The following DNAH8 variants were observed in gnomAD, a reference collection of about 807,000 sequenced individuals.
DNAH8 encodes dynein axonemal heavy chain 8, also known as axonemal beta dynein heavy chain 8.
A neutral mutation model predicts 562.1 loss-of-function variants in DNAH8; 382 were observed. The ratio of observed to expected loss-of-function variants is 0.68; its 90% CI spans 0.63 to 0.74. The LOEUF is 0.74. DNAH8 is among the 30% of genes least tolerant of loss of function. The pLI is 0.00. For missense variants in DNAH8, 5,203 were observed against 5,620.4 expected, an observed-to-expected ratio of 0.93 and a Z score of 2.37; for synonymous variants, 1,881 against 1,919.4, an observed-to-expected ratio of 0.98 and a Z score of 0.52.
intron 18 of DNAH8, among the ~76,000 whole-genome samples, chr6:38,788,939 GA>G (rs1437425009): frequency 6.6e-5 from 10 of 151,506 alleles, no homozygotes; most frequent in African/African-American, 2.4e-4. Context: ...TCTTTTTTTT[GA>G]AAAAAACTGG....
At chr6:38,819,208 G>T (rs1772590344) in intron 26 of DNAH8, among the ~76,000 whole-genome samples, 1 of 152,106 alleles carries the variant, frequency 6.6e-6, no homozygotes, top group Admixed American at 6.6e-5. Flanking sequence ...CTAGTTTTGT[G>T]CTTACTGCTC....
intron 70 of DNAH8, among the ~76,000 whole-genome samples, chr6:38,919,299 C>CA (rs1781526330): frequency 6.6e-6 from 1 of 152,134 alleles, no homozygotes; most frequent in Non-Finnish European, 1.5e-5. Context: ...ATGAAATTAA[C>CA]AAAAATAATA....
At chr6:38,826,581 C>G (rs182076498) in intron 29 of DNAH8, among the ~76,000 whole-genome samples, 190 bp downstream of exon 29, 7 of 152,234 alleles carry the variant, frequency 4.6e-5, no homozygotes, top group African/African-American at 1.7e-4. Flanking sequence ...ATACAAAAGA[C>G]ACTGTTGTAA....
At chr6:38,820,663 A>G (rs1772738701) in intron 26 of DNAH8, among the ~76,000 whole-genome samples, 1 of 152,226 alleles carries the variant, frequency 6.6e-6, no homozygotes, top group South Asian at 2.1e-4. Context: ...GTGTATAAAA[A>G]GTGTTGTATA....
chr6:38,828,390 C>T (rs1357996891), intron 30 of DNAH8, 102 bp downstream of exon 30: 1 of 605,302 alleles, frequency 1.7e-6, no homozygotes, highest in African/African-American at 1.9e-5. Flanking sequence ...TCATGTGCCA[C>T]ATAACAATGT....
Position 38,772,186 on chromosome 6 carries a change from G to A in DNAH8, c.1764+1627G>A, listed in dbSNP as rs1027727890. ...TGGGACTACAGGTGCCCGCCACTAC[G>A]CCCGGCTAATTTTTTGTATTTTTAG... is the stretch of plus-strand genomic sequence containing the variant. On this transcript the variant is annotated intron_variant, in intron 12 of 92. Transcript: ENST00000327475. Among the ~76,000 whole-genome samples the A allele has an allele frequency of 2.6e-5, 4 of 151,820 alleles. No individual in the cohort carries two copies. In the East Asian group the frequency reaches 7.8e-4, roughly 29 times the overall value.
chr6:38,786,347 G>A (rs140486598), intron 17 of DNAH8, among the ~76,000 whole-genome samples: 283 of 152,298 alleles, frequency 1.9e-3, no homozygotes, highest in African/African-American at 6.5e-3. Context: ...CCTCTTTAAA[G>A]AAGACAGTTT....
chr6:38,922,124 T>C (rs1051019952), intron 71 of DNAH8, among the ~76,000 whole-genome samples: 9 of 151,552 alleles, frequency 5.9e-5, no homozygotes, highest in Non-Finnish European at 1.3e-4. Flanking sequence ...TACATGCAGG[T>C]CACAGGGGAT....
chr6:38,748,749 G>A (rs569737273), intron 8 of DNAH8, among the ~76,000 whole-genome samples: 5 of 58,310 alleles, frequency 8.6e-5, no homozygotes, highest in African/African-American at 3.7e-4. Flanking sequence ...GCAAGACTCC[G>A]TCTCAAAATA....
Position 38,840,642 on chromosome 6 carries a change from C to T in DNAH8, c.4467-1726C>T, listed in dbSNP as rs1330748745. 2.0e-5 allele frequency among the ~76,000 whole-genome samples: 3 copies of T among 152,126 alleles called. No homozygotes were observed. In the East Asian group the frequency reaches 5.8e-4, roughly 29 times the overall value. The stretch of plus-strand genomic sequence containing the variant: ...GATTTCACATATTAATCAATTTCAC[C>T]ATCAAAAGGGAATGCTGCTTTCTCT... On this transcript the variant is annotated intron_variant, in intron 33 of 92. Transcript: ENST00000327475.
chr6:38,915,883 T>C (rs1023702758), intron 68 of DNAH8, among the ~76,000 whole-genome samples: 3 of 151,998 alleles, frequency 2.0e-5, no homozygotes, highest in Admixed American at 1.3e-4. Context: ...TACACATATA[T>C]GTGCATGTAT....
At position 38,914,592 on chromosome 6, in the gene DNAH8, C is replaced by T. The variant is rs564436018; in HGVS notation, c.9964-609C>T. Among the ~76,000 whole-genome samples the T allele has an allele frequency of 2.8e-4, 43 of 151,810 alleles. 1 individual carries two copies. The highest frequency in any genetic ancestry group is 2.1e-3 in the Admixed American group (32 of 15,228). Reference sequence around the variant, plus strand: ...GTCTCAATCTCTTGACTTTGTGATCCGCCTGCCTCGGCCTCCCAAAGTGCT... The same window carrying T: ...GTCTCAATCTCTTGACTTTGTGATCTGCCTGCCTCGGCCTCCCAAAGTGCT... On this transcript the variant is annotated intron_variant, in intron 67 of 92. Coordinates refer to ENST00000327475, the MANE Select transcript of DNAH8 (RefSeq NM_001206927.2).
chr6:38,943,757 G>A (rs917895969), intron 79 of DNAH8, among the ~76,000 whole-genome samples: 3 of 152,028 alleles, frequency 2.0e-5, no homozygotes, highest in African/African-American at 4.8e-5. Context: ...CCTTCCAAGC[G>A]GGGAAAGAAA....
intron 53 of DNAH8, among the ~76,000 whole-genome samples, chr6:38,877,400 T>C (rs1245128542): frequency 8.2e-6 from 1 of 122,436 alleles, no homozygotes; most frequent in Non-Finnish European, 1.8e-5. Context: ...TAGACAATGA[T>C]GTTTTCTTAT....
At chr6:38,717,803 T>C (rs1033054720) in intron 1 of DNAH8, among the ~76,000 whole-genome samples, 5 of 152,144 alleles carry the variant, frequency 3.3e-5, no homozygotes, top group Non-Finnish European at 5.9e-5. Flanking sequence ...AAACTATTAC[T>C]GATTACAATT....
At chr6:38,920,824 C>T (rs183980878) in intron 70 of DNAH8, among the ~76,000 whole-genome samples, 64 of 152,218 alleles carry the variant, frequency 4.2e-4, no homozygotes, top group Admixed American at 3.8e-3. Context: ...TGAGAAATTT[C>T]GGGGTAACTT....
At chr6:38,769,844 A>T (rs1767390562) in intron 11 of DNAH8, among the ~76,000 whole-genome samples, 1 of 152,222 alleles carries the variant, frequency 6.6e-6, no homozygotes, top group African/African-American at 2.4e-5. Context: ...TTTAACATTA[A>T]CAAAAAAGAT....
At chr6:38,893,853 T>G (rs1445504103) in intron 58 of DNAH8, among the ~76,000 whole-genome samples, 1 of 152,224 alleles carries the variant, frequency 6.6e-6, no homozygotes, top group Non-Finnish European at 1.5e-5. Flanking sequence ...GAATTATCAT[T>G]ATTTTCACTT....
chr6:38,939,789 G>A (rs1783287878), intron 79 of DNAH8, among the ~76,000 whole-genome samples: 1 of 152,152 alleles, frequency 6.6e-6, no homozygotes, highest in Non-Finnish European at 1.5e-5. Flanking sequence ...GGCTCTTTAT[G>A]TATGATTTAA....
Sources: gnomAD v4.1 joint callset for allele counts (sites outside exome capture counted in the v4.1 genomes callset) on GRCh38, gnomAD v4.1.1 for gene constraint, MANE v1.5 for transcripts, NCBI Gene and HGNC (gene_info 2026-07-23, HGNC 2026-07-21) for gene names.